Variants in DCLK1 observed in about 807,000 individuals in gnomAD.
DCLK1 encodes serine/threonine-protein kinase DCLK1.
A neutral mutation model predicts 86.2 loss-of-function variants in DCLK1; 16 were observed. That is an observed-to-expected ratio of 0.19 (90% CI 0.13 to 0.28). The LOEUF (loss-of-function observed/expected upper bound fraction) is 0.28. Ranked by LOEUF, DCLK1 falls within the 10% of genes least tolerant of loss-of-function variation. The pLI, the probability that DCLK1 is intolerant of heterozygous loss-of-function variation, is 1.00. For synonymous variants in DCLK1, 369 were observed against 370.5 expected, an observed-to-expected ratio of 1.00 and a Z score of 0.05; for missense variants, 590 against 940.2, an observed-to-expected ratio of 0.63 and a Z score of 4.87.
chr13:35,820,378 G>T (rs2087366286), intron 11 of DCLK1, among the ~76,000 whole-genome samples: 2 of 152,126 alleles, frequency 1.3e-5, no homozygotes, highest in South Asian at 4.1e-4. Context: ...AATTAGAAGA[G>T]AAGGGAAAAA....
intron 3 of DCLK1, among the ~76,000 whole-genome samples, chr13:36,029,590 A>T (rs1225392765): frequency 1.3e-5 from 2 of 152,182 alleles, no homozygotes; most frequent in Non-Finnish European, 2.9e-5. Context: ...CTTTTGAGAT[A>T]CAAGCAGAAT....
intron 4 of DCLK1, among the ~76,000 whole-genome samples, chr13:35,917,865 G>A (rs1875526068): frequency 6.6e-6 from 1 of 152,104 alleles, no homozygotes; most frequent in Non-Finnish European, 1.5e-5. Context: ...CTGGGCTGGA[G>A]ACTGCACAAT....
chr13:36,033,650 G>T (rs1882372928), intron 3 of DCLK1, among the ~76,000 whole-genome samples: 1 of 152,194 alleles, frequency 6.6e-6, no homozygotes, highest in Admixed American at 6.5e-5. Context: ...ATGAGTACAG[G>T]TGCGGTAGCT....
intron 3 of DCLK1, among the ~76,000 whole-genome samples, chr13:35,948,620 A>G (rs1490921279): frequency 6.6e-6 from 1 of 152,202 alleles, no homozygotes; most frequent in African/African-American, 2.4e-5. Flanking sequence ...CCCAAATGCA[A>G]TGATGTGTGG....
chr13:35,776,971 C>G (rs2086434525), intron 16 of DCLK1, among the ~76,000 whole-genome samples: 1 of 152,232 alleles, frequency 6.6e-6, no homozygotes, highest in Non-Finnish European at 1.5e-5. Flanking sequence ...CTCACGCTCA[C>G]TTTCACCTTC....
chr13:35,871,382 GCA>G, intron 4 of DCLK1, 42 bp from the exon 5 acceptor site: 12 of 1,460,672 alleles, frequency 8.2e-6, no homozygotes, highest in Middle Eastern at 1.7e-4. Flanking sequence ...TGGGGTAATG[GCA>G]CACACACACC....
intron 4 of DCLK1, among the ~76,000 whole-genome samples, chr13:35,937,261 C>A (rs933625624): frequency 6.6e-6 from 1 of 152,066 alleles, no homozygotes; most frequent in Non-Finnish European, 1.5e-5. Flanking sequence ...GCGTGAGCCA[C>A]CGCACCCGGT....
chr13:35,814,199 A>C (rs1456954080), intron 11 of DCLK1, among the ~76,000 whole-genome samples: 1 of 152,162 alleles, frequency 6.6e-6, no homozygotes, highest in Non-Finnish European at 1.5e-5. Context: ...CCATGTGAAA[A>C]TATAATTAAA....
At chr13:36,062,391 T>G (rs946012026) in intron 3 of DCLK1, among the ~76,000 whole-genome samples, 2 of 152,148 alleles carry the variant, frequency 1.3e-5, no homozygotes, top group Admixed American at 1.3e-4. Context: ...GTTTTTGCTT[T>G]ATTGTCAGTG....
intron 11 of DCLK1, 47 bp from the exon 12 acceptor site, chr13:35,811,015 A>C (rs1361539861): frequency 6.2e-7 from 1 of 1,610,704 alleles, no homozygotes; most frequent in African/African-American, 1.3e-5. Flanking sequence ...CAAGAGCTCA[A>C]AAGCCCTTTC....
At chr13:35,997,663 A>G (rs1880530921) in intron 3 of DCLK1, among the ~76,000 whole-genome samples, 1 of 152,230 alleles carries the variant, frequency 6.6e-6, no homozygotes, top group Admixed American at 6.5e-5. Flanking sequence ...TATGGTTGTA[A>G]GTCATGAAAC....
At chr13:35,805,159 C>A (rs187964737) in intron 15 of DCLK1, among the ~76,000 whole-genome samples, 144 of 152,266 alleles carry the variant, frequency 9.5e-4, no homozygotes, top group African/African-American at 3.3e-3. Flanking sequence ...AGATTGAGAC[C>A]ACTGGCACCT....
chr13:36,102,032 C>T (rs961648509), intron 3 of DCLK1, among the ~76,000 whole-genome samples: 4 of 152,048 alleles, frequency 2.6e-5, no homozygotes, highest in East Asian at 1.9e-4. Context: ...CATGAGCCAC[C>T]GCACCTGGCC....
At chr13:35,936,772 C>T (rs74046164) in intron 4 of DCLK1, among the ~76,000 whole-genome samples, 8,933 of 151,998 alleles carry the variant, frequency 0.059, 849 homozygotes, top group African/African-American at 0.2. Context: ...CACAAGGTGG[C>T]GTGGAACTAA....
rs148185237 is a variant in DCLK1 at position 35,925,772 on chromosome 13, GC to G, written c.823+21585del. ...TCTCACCATTCTGACCTATTTGCTG[GC>G]TGATCAGTTTACATATACGGACTCT... is the stretch of plus-strand genomic sequence containing the variant. On this transcript the variant is annotated intron_variant, in intron 4 of 16. Transcript: ENST00000360631. Among the ~76,000 whole-genome samples, 1,124 of 151,952 alleles carry G rather than the reference GC, an allele frequency of 7.4e-3. 21 individuals are homozygous for G. The highest frequency in any genetic ancestry group is 0.026 in the African/African-American group (1,061 of 41,450).
intron 3 of DCLK1, among the ~76,000 whole-genome samples, chr13:36,091,172 C>T (rs1434566471): frequency 6.6e-6 from 1 of 152,102 alleles, no homozygotes; most frequent in Non-Finnish European, 1.5e-5. Context: ...TTTTGCTGTG[C>T]AGAAGCTCTT....
intron 6 of DCLK1, among the ~76,000 whole-genome samples, chr13:35,851,615 A>G (rs1284238417): frequency 2.6e-5 from 4 of 152,152 alleles, no homozygotes; most frequent in Non-Finnish European, 5.9e-5. Context: ...GGGACCAAAA[A>G]AAGTTCATGA....
chr13:35,872,930 T>C (rs1157791218), intron 4 of DCLK1, among the ~76,000 whole-genome samples: 1 of 152,184 alleles, frequency 6.6e-6, no homozygotes, highest in Non-Finnish European at 1.5e-5. Context: ...ATCATCTTTC[T>C]TGGTCAACCC....
At chr13:35,814,509 A>C (rs1390612729) in intron 11 of DCLK1, among the ~76,000 whole-genome samples, 1 of 152,228 alleles carries the variant, frequency 6.6e-6, no homozygotes, top group African/African-American at 2.4e-5. Flanking sequence ...CTGCAAGCGC[A>C]GGCTTGGACA....
Sources: gnomAD v4.1 joint callset for allele counts (sites outside exome capture counted in the v4.1 genomes callset) on GRCh38, gnomAD v4.1.1 for gene constraint, MANE v1.5 for transcripts, NCBI Gene and HGNC (gene_info 2026-07-23, HGNC 2026-07-21) for gene names.